Variants in UROC1 observed in about 807,000 individuals in gnomAD.
UROC1 encodes the protein urocanate hydratase 1.
In UROC1, 79 loss-of-function variants were observed where a neutral mutation model predicts 89.5. The observed-to-expected ratio is 0.88, with a 90% CI of 0.74 to 1.06. The LOEUF (loss-of-function observed/expected upper bound fraction) is 1.06, where lower values mean the gene tolerates loss of function less well. Ranked by LOEUF, UROC1 falls within the 50% of genes least tolerant of loss-of-function variation. The probability of loss-of-function intolerance (pLI) is 0.00; values close to 1 mark genes in which losing one functional copy is unlikely to be tolerated. For missense variants in UROC1, 885 were observed against 907.8 expected (o/e 0.97, Z 0.32); for synonymous variants, 361 against 354.8 (o/e 1.02, Z -0.20).
At chr3:126,513,536 G>T (rs537262861) in intron 1 of UROC1, among the ~76,000 whole-genome samples, 2 of 152,336 alleles carry the variant, frequency 1.3e-5, no homozygotes, top group Admixed American at 6.5e-5. Context: ...CATGCACATT[G>T]CCGCTCTCTG....
In UROC1 at chr3:126,506,015, A is replaced by AC; in HGVS notation, c.603-5dup. ...ACCTGCTGTCATCTGGCCGTACCTG[A>AC]CCACAGGGAGAGAAGCCAAGCCCAG... On this transcript the variant is annotated splice_polypyrimidine_tract_variant and splice_region_variant and intron_variant, in intron 6 of 19. Coordinates refer to ENST00000290868, the MANE Select transcript of UROC1 (RefSeq NM_144639.3). 6.2e-7 allele frequency: 1 copy of AC among 1,613,376 alleles called. No homozygotes were observed. The highest frequency in any genetic ancestry group is 8.5e-7 in the Non-Finnish European group (1 of 1,180,026).
intron 14 of UROC1, 44 bp downstream of exon 14, chr3:126,498,007 T>C (rs1935821092): frequency 6.2e-7 from 1 of 1,613,194 alleles, no homozygotes; most frequent in African/African-American, 1.3e-5. Flanking sequence ...GCAGAAGCTT[T>C]GGGGGGGCCA....
chr3:126,509,702 AG>A, intron 2 of UROC1, 24 bp from the exon 3 acceptor site: 2 of 1,548,574 alleles, frequency 1.3e-6, no homozygotes, highest in Non-Finnish European at 1.7e-6. Flanking sequence ...CCCAACCACC[AG>A]GCTGCCCTTC....
chr3:126,511,794 C>T (rs1156363322), intron 1 of UROC1, among the ~76,000 whole-genome samples: 1 of 152,224 alleles, frequency 6.6e-6, no homozygotes, highest in African/African-American at 2.4e-5. Flanking sequence ...AGCCCCAAAG[C>T]TCTGTCTGCC....
In UROC1 at chr3:126,487,125, C is replaced by T. The variant is rs543899636; in HGVS notation, c.1790+1073G>A. ...TGAATTCTGGCCCTGCTGTCCCTGC[C>T]CTAAGGCCCTGAGGGTGTGCACTCT... On this transcript the variant is annotated intron_variant, in intron 18 of 19. Coordinates refer to ENST00000290868, the MANE Select transcript of UROC1 (RefSeq NM_144639.3). Among the ~76,000 whole-genome samples, 95 of 152,280 alleles carry T rather than the reference C, an allele frequency of 6.2e-4. 1 individual carries two copies. Among genetic ancestry groups the T allele is most frequent in the African/African-American group, 2.2e-3 (91 of 41,558 alleles).
chr3:126,517,440 T>C (rs571852145), intron 1 of UROC1, among the ~76,000 whole-genome samples, 154 bp downstream of exon 1: 1 of 152,242 alleles, frequency 6.6e-6, no homozygotes, highest in African/African-American at 2.4e-5. Flanking sequence ...CAGAGTCCAC[T>C]GTGCATTGCA....
intron 11 of UROC1, 62 bp downstream of exon 11, chr3:126,500,633 G>C: frequency 1.2e-6 from 2 of 1,606,314 alleles, no homozygotes; most frequent in South Asian, 2.2e-5. Context: ...GTGGTGGCCA[G>C]AGCAGGACAA....
At position 126,509,590 on chromosome 3, in the gene UROC1, C is replaced by T; in HGVS notation, c.346G>A (p.Ala116Thr). Residue 116 changes from alanine (A) to threonine (T), a missense_variant, in exon 3 of 20, where the codon GCC (alanine) becomes ACC (threonine). Coordinates refer to ENST00000290868, the MANE Select transcript of UROC1 (RefSeq NM_144639.3). ...MIMNNLDPAVAQFPQELVTYG... is the reference protein window; with the variant it reads ...MIMNNLDPAVTQFPQELVTYG... Reference sequence around the variant, plus strand: ...TCGGTTTCCCTGGCTATTACCTGGGCCACGGCAGGATCCAGGTTGTTCATA... The same window carrying T: ...TCGGTTTCCCTGGCTATTACCTGGGTCACGGCAGGATCCAGGTTGTTCATA... 1.2e-5 allele frequency: 19 copies of T among 1,551,772 alleles called. No homozygotes were observed. Among genetic ancestry groups the T allele is most frequent in the Non-Finnish European group, 1.7e-5 (19 of 1,147,026 alleles).
Position 126,504,027 on chromosome 3 carries a change from A to AG in UROC1, c.869dup (p.Asp291Ter). On this transcript the variant is annotated frameshift_variant, in exon 9 of 20. Transcript: ENST00000290868. LOFTEE classifies it high-confidence loss of function. ...TCTGGATGCAGCGGTCCAAGCTGTCAGTCACTTCCATCAGCCAGCCCTGCC... is the reference window on the plus strand; with the variant it reads ...TCTGGATGCAGCGGTCCAAGCTGTCAGGTCACTTCCATCAGCCAGCCCTGCC... 6.2e-7 allele frequency: 1 copy of AG among 1,614,108 alleles called. No homozygotes were observed. The highest frequency in any genetic ancestry group is 8.5e-7 in the Non-Finnish European group (1 of 1,180,016).
chr3:126,501,668 G>T, intron 9 of UROC1: 3 of 1,168,880 alleles, frequency 2.6e-6, no homozygotes, highest in Non-Finnish European at 3.6e-6. Context: ...GGAAAAATAG[G>T]ACAGGAAAAA....
chr3:126,491,208 C>T lies in UROC1; in HGVS notation c.1608+1210G>A, dbSNP rs541995655. Among the ~76,000 whole-genome samples, 35 of 152,374 alleles carry T rather than the reference C, an allele frequency of 2.3e-4. No individual in the cohort carries two copies. In the South Asian group the frequency reaches 6.2e-3, roughly 27 times the overall value. On this transcript the variant is annotated intron_variant, in intron 16 of 19. Coordinates refer to ENST00000290868, the MANE Select transcript of UROC1 (RefSeq NM_144639.3). Reference sequence around the variant, plus strand: ...AACTCAGAGAGGCTGTCCTGACCACCGCTCTTCGCCATGTTCATTTCCTGC... The same window carrying T: ...AACTCAGAGAGGCTGTCCTGACCACTGCTCTTCGCCATGTTCATTTCCTGC...
At chr3:126,498,217 G>T (rs1185872651) in intron 13 of UROC1, 45 bp from the exon 14 acceptor site, 1 of 1,613,186 alleles carries the variant, frequency 6.2e-7, no homozygotes, top group Non-Finnish European at 8.5e-7. Flanking sequence ...CTGGCTTGTT[G>T]GGGGAGGGGG....
At chr3:126,491,464 G>A (rs1342086059) in intron 16 of UROC1, among the ~76,000 whole-genome samples, 2 of 152,244 alleles carry the variant, frequency 1.3e-5, no homozygotes, top group Non-Finnish European at 2.9e-5. Flanking sequence ...TGCGCCTGGA[G>A]CTTCCTAGCA....
intron 16 of UROC1, among the ~76,000 whole-genome samples, chr3:126,490,199 A>AT (rs935369545): frequency 1.3e-5 from 2 of 152,154 alleles, no homozygotes; most frequent in African/African-American, 2.4e-5. Flanking sequence ...GCTGAGTTTG[A>AT]TTTTTTAATA....
chr3:126,501,837 C>T, intron 9 of UROC1: 4 of 1,599,462 alleles, frequency 2.5e-6, no homozygotes, highest in Non-Finnish European at 2.5e-6. Flanking sequence ...GAGCCAGGCA[C>T]CTCCCCTCCC....
rs145615643 is a variant in UROC1, at chr3:126,509,002, A to T, written c.352-527T>A. Among the ~76,000 whole-genome samples, 15 of 152,316 alleles carry T rather than the reference A, an allele frequency of 9.8e-5. No individual in the cohort carries two copies. The East Asian group carries it at 2.7e-3, about 27-fold the overall frequency. ...TGCTCCTTGCATAGATACACCCCTG[A>T]TTTCAAAGGCTCAGGATGAAAAACA... is the stretch of plus-strand genomic sequence containing the variant. On this transcript the variant is annotated intron_variant, in intron 3 of 19. Coordinates refer to ENST00000290868, the MANE Select transcript of UROC1 (RefSeq NM_144639.3).
intron 1 of UROC1, among the ~76,000 whole-genome samples, chr3:126,511,772 A>C (rs1384826488): frequency 1.3e-5 from 2 of 152,242 alleles, no homozygotes; most frequent in Non-Finnish European, 2.9e-5. Flanking sequence ...AATTTTTCCA[A>C]ATCCGAAATA....
At position 126,489,349 on chromosome 3, in the gene UROC1, G is replaced by A. The variant is rs1490673142; in HGVS notation, c.1635C>T (p.His545=). ...GGCTGTCGGTGCCGCTCACGTCATGGTGATCTCGGCTCAGGACCACCGGCG... is the reference window on the plus strand; with the variant it reads ...GGCTGTCGGTGCCGCTCACGTCATGATGATCTCGGCTCAGGACCACCGGCG... ...IKAPVVLSRD[H]HDVSGTDSPF... Residue 545 remains histidine (H), a synonymous_variant, in exon 17 of 20, where the codon CAC becomes CAT. Transcript: ENST00000290868. 2 of 1,613,102 alleles carry A rather than the reference G, an allele frequency of 1.2e-6. No homozygotes were observed. Among genetic ancestry groups the A allele is most frequent in the East Asian group, 2.2e-5 (1 of 44,870 alleles).
chr3:126,508,049 G>A lies in UROC1; in HGVS notation c.458C>T (p.Thr153Ile). 6.2e-7 allele frequency: 1 copy of A among 1,614,054 alleles called. No homozygotes were observed. Among genetic ancestry groups the A allele is most frequent in the African/African-American group, 1.3e-5 (1 of 75,042 alleles). ...FYLSKMTEEQ[T>I]LVMYSGHPLG... ...TGGGTGCCCACTGTACATGACCAAAGTCTGCTCCTCTGTCATCTTCGACAA... is the reference window on the plus strand; with the variant it reads ...TGGGTGCCCACTGTACATGACCAAAATCTGCTCCTCTGTCATCTTCGACAA... Residue 153 changes from threonine to isoleucine, a missense_variant, in exon 5 of 20, where the codon ACT becomes ATT. Physicochemically the swap from Thr to Ile is moderately conservative, Grantham distance 89 (BLOSUM62 -1). Coordinates refer to ENST00000290868, the MANE Select transcript of UROC1 (RefSeq NM_144639.3).
Sources: gnomAD v4.1 joint callset for allele counts (sites outside exome capture counted in the v4.1 genomes callset) on GRCh38, gnomAD v4.1.1 for gene constraint, MANE v1.5 for transcripts, NCBI Gene and HGNC (gene_info 2026-07-23, HGNC 2026-07-21) for gene names.